The following TTC28 variants were observed in gnomAD, a reference collection of about 807,000 sequenced individuals.
The protein encoded by TTC28 is tetratricopeptide repeat protein 28.
TTC28 carries 61 observed loss-of-function variants against 198.0 expected under a neutral mutation model. That is an observed-to-expected ratio of 0.31 (90% CI 0.25 to 0.38). The LOEUF (loss-of-function observed/expected upper bound fraction) is 0.38. Ranked by LOEUF, TTC28 falls within the 10% of genes least tolerant of loss-of-function variation. TTC28 has a pLI of 1.00. For synonymous variants in TTC28, 1,171 were observed against 1,297.8 expected (o/e 0.90, Z 2.10); for missense variants, 2,678 against 3,164.0 (o/e 0.85, Z 3.69).
chr22:28,597,468 A>C (rs1184737595), intron 2 of TTC28, among the ~76,000 whole-genome samples: 2 of 152,210 alleles, frequency 1.3e-5, no homozygotes, highest in African/African-American at 4.8e-5. Context: ...AAGCATCTGA[A>C]TTGCTGGTTT....
At position 28,428,922 on chromosome 22, in the gene TTC28, G is replaced by A. The variant is rs567648572; in HGVS notation, c.382-122279C>T. Among the ~76,000 whole-genome samples, 5 of 152,234 alleles carry A rather than the reference G, an allele frequency of 3.3e-5. No individual in the cohort carries two copies. In the South Asian group the frequency reaches 1.0e-3, roughly 32 times the overall value. ...CCCAAAGTGCTGGGATTACAGGCAT[G>A]AGCCACCGCGCCCAGCCCATTTCAT... is the stretch of plus-strand genomic sequence containing the variant. On this transcript the variant is annotated intron_variant, in intron 2 of 22. Coordinates refer to ENST00000397906, the MANE Select transcript of TTC28 (RefSeq NM_001145418.2).
intron 2 of TTC28, among the ~76,000 whole-genome samples, chr22:28,546,934 T>C (rs2049555283): frequency 6.6e-6 from 1 of 152,084 alleles, no homozygotes; most frequent in South Asian, 2.1e-4. Flanking sequence ...ATATGATCTA[T>C]AGTGACAGAA....
At chr22:28,174,730 T>C (rs1922994810) in intron 5 of TTC28, among the ~76,000 whole-genome samples, 1 of 151,964 alleles carries the variant, frequency 6.6e-6, no homozygotes, top group Non-Finnish European at 1.5e-5. Context: ...AAAGAAAAAC[T>C]AAGAAAAATC....
intron 12 of TTC28, among the ~76,000 whole-genome samples, chr22:28,072,129 A>C (rs1316095530): frequency 1.3e-5 from 2 of 152,228 alleles, no homozygotes; most frequent in African/African-American, 4.8e-5. Context: ...GGATAGGAAA[A>C]GGCTAGAGAA....
At chr22:28,486,827 T>C (rs1002386926) in intron 2 of TTC28, among the ~76,000 whole-genome samples, 2 of 152,216 alleles carry the variant, frequency 1.3e-5, no homozygotes, top group African/African-American at 2.4e-5. Context: ...ACCAGGGTCA[T>C]TGTGAGATTA....
intron 2 of TTC28, among the ~76,000 whole-genome samples, chr22:28,392,138 C>T (rs2046734215): frequency 6.6e-6 from 1 of 152,222 alleles, no homozygotes; most frequent in South Asian, 2.1e-4. Context: ...GGGGATGCCT[C>T]CCAGTTAGGC....
At position 28,105,538 on chromosome 22, in the gene TTC28, G is replaced by A. The variant is rs1243643566; in HGVS notation, c.3048C>T (p.Ala1016=). 3 of 1,551,630 alleles carry A rather than the reference G, an allele frequency of 1.9e-6. No homozygotes were observed. The highest frequency in any genetic ancestry group is 2.4e-5 in the South Asian group (2 of 84,052). The change falls in exon 8 of 23, where the codon GCC becomes GCT. Residue 1016 remains alanine, a synonymous_variant. Coordinates refer to ENST00000397906, the MANE Select transcript of TTC28 (RefSeq NM_001145418.2). The part of the protein sequence containing the change: ...VYQQMGEYDT[A]LQYHQLDLQI... ...GTAGATCAAGCTGGTGGTACTGCAG[G>A]GCTGTGTCATACTCCCCCATCTGCT...
intron 3 of TTC28, among the ~76,000 whole-genome samples, chr22:28,299,501 AG>A (rs2044972945): frequency 6.6e-6 from 1 of 152,200 alleles, no homozygotes; most frequent in African/African-American, 2.4e-5. Context: ...CAAGCCGTGC[AG>A]AGTGCTGGTA....
intron 2 of TTC28, among the ~76,000 whole-genome samples, chr22:28,623,782 T>G (rs1358417853): frequency 6.6e-6 from 1 of 151,870 alleles, no homozygotes; most frequent in African/African-American, 2.4e-5. Flanking sequence ...AACAACAAAC[T>G]TCTAAATAAT....
At chr22:28,536,376 G>A (rs1051272786) in intron 2 of TTC28, among the ~76,000 whole-genome samples, 2 of 151,934 alleles carry the variant, frequency 1.3e-5, no homozygotes, top group African/African-American at 2.4e-5. Flanking sequence ...TGTAATCCCA[G>A]CACTTTGGGA....
rs184848262 is a variant in TTC28 at position 28,167,857 on chromosome 22, A to T, written c.934-4258T>A. ...AGGAGAAGGAAATAAAGGGTATTCA[A>T]TTAGGAAAAGAGGAAGTCAAATTGT... is the stretch of plus-strand genomic sequence containing the variant. On this transcript the variant is annotated intron_variant, in intron 5 of 22. Coordinates refer to ENST00000397906, the MANE Select transcript of TTC28 (RefSeq NM_001145418.2). Among the ~76,000 whole-genome samples, 139 of 152,338 alleles carry T rather than the reference A, an allele frequency of 9.1e-4. 1 individual carries two copies. The highest frequency in any genetic ancestry group is 8.8e-3 in the Admixed American group (134 of 15,302).
intron 2 of TTC28, among the ~76,000 whole-genome samples, chr22:28,552,135 C>CA (rs879341669): frequency 2.0e-5 from 3 of 151,644 alleles, no homozygotes; most frequent in South Asian, 2.1e-4. Flanking sequence ...ACGATAACCA[C>CA]AAAAAAAATA....
chr22:28,419,722 C>A (rs1421441023), intron 2 of TTC28, among the ~76,000 whole-genome samples: 1 of 152,162 alleles, frequency 6.6e-6, no homozygotes, highest in Admixed American at 6.5e-5. Flanking sequence ...ACAAAAGAAA[C>A]TATTTCACTT....
chr22:28,635,238 A>G (rs2051250565), intron 1 of TTC28, among the ~76,000 whole-genome samples: 1 of 151,982 alleles, frequency 6.6e-6, no homozygotes, highest in Non-Finnish European at 1.5e-5. Flanking sequence ...GGAGAATGGC[A>G]TGAACCCGGG....
Position 28,010,596 on chromosome 22 carries a change from G to A in TTC28, c.4218+3652C>T, listed in dbSNP as rs192010647. Among the ~76,000 whole-genome samples the A allele has an allele frequency of 3.5e-3, 539 of 152,286 alleles. 3 individuals are homozygous for A. Among genetic ancestry groups the A allele is most frequent in the African/African-American group, 0.013 (520 of 41,558 alleles). ...AGTCACTGCCTTCAACTGGCTCAGC[G>A]TGGACACCTCGGCCAGTGAAACCAT... is the stretch of plus-strand genomic sequence containing the variant. On this transcript the variant is annotated intron_variant, in intron 14 of 22. Coordinates refer to ENST00000397906, the MANE Select transcript of TTC28 (RefSeq NM_001145418.2).
intron 2 of TTC28, among the ~76,000 whole-genome samples, chr22:28,373,374 T>C (rs1304471461): frequency 6.6e-6 from 1 of 152,178 alleles, no homozygotes; most frequent in Non-Finnish European, 1.5e-5. Context: ...TTTTAAGAGA[T>C]GACCAAATCA....
At chr22:28,090,309 A>T (rs971431529) in intron 12 of TTC28, among the ~76,000 whole-genome samples, 7 of 152,104 alleles carry the variant, frequency 4.6e-5, no homozygotes, top group African/African-American at 1.7e-4. Context: ...TTTAAATTAT[A>T]CTATATACAG....
Position 27,983,009 on chromosome 22 carries a change from A to G in TTC28, c.6658T>C (p.Ser2220Pro), listed in dbSNP as rs1414631638. The G allele has an allele frequency of 1.9e-6, 3 of 1,551,602 alleles. No individual in the cohort carries two copies. Among genetic ancestry groups the G allele is most frequent in the Non-Finnish European group, 2.6e-6 (3 of 1,146,956 alleles). Residue 2220 changes from serine to proline, a missense_variant, in exon 23 of 23, where the codon TCC becomes CCC. By Grantham distance (74) the Ser-to-Pro change is moderately conservative. Coordinates refer to ENST00000397906, the MANE Select transcript of TTC28 (RefSeq NM_001145418.2). ...GGTGATGGCTGACTCTTCTGATGGG[A>G]GAGAACAGGCCTGCTGAACGCACTG... ...ETSAFSRPVL[S>P]HQKSQPSPVT...
At chr22:28,338,589 T>C (rs1453812494) in intron 2 of TTC28, among the ~76,000 whole-genome samples, 1 of 152,208 alleles carries the variant, frequency 6.6e-6, no homozygotes, top group East Asian at 1.9e-4. Flanking sequence ...TTCATTCATT[T>C]GATCTTCCAT....
Sources: gnomAD v4.1 joint callset for allele counts (sites outside exome capture counted in the v4.1 genomes callset) on GRCh38, gnomAD v4.1.1 for gene constraint, MANE v1.5 for transcripts, NCBI Gene and HGNC (gene_info 2026-07-23, HGNC 2026-07-21) for gene names.